FNDC3B: variants seen among roughly 807,000 people sequenced by gnomAD.
FNDC3B encodes fibronectin type III domain-containing protein 3B.
Under a neutral mutation model 151.5 loss-of-function variants are expected in FNDC3B, and 12 were observed. The ratio of observed to expected loss-of-function variants is 0.08; its 90% CI spans 0.05 to 0.13. FNDC3B has a LOEUF of 0.13. Ranked by LOEUF, FNDC3B falls within the 10% of genes least tolerant of loss-of-function variation. The probability of loss-of-function intolerance (pLI) is 1.00; values close to 1 mark genes in which losing one functional copy is unlikely to be tolerated. For synonymous variants in FNDC3B, 528 were observed against 549.0 expected, an observed-to-expected ratio of 0.96 and a Z score of 0.54; for missense variants, 1,214 against 1,505.3, an observed-to-expected ratio of 0.81 and a Z score of 3.20.
chr3:172,053,050 G>T (rs750531230), intron 1 of FNDC3B, among the ~76,000 whole-genome samples: 2 of 152,094 alleles, frequency 1.3e-5, no homozygotes, highest in Admixed American at 1.3e-4. Context: ...TACTTGCCAG[G>T]CATTTTCATG....
intron 3 of FNDC3B, among the ~76,000 whole-genome samples, chr3:172,218,314 G>A (rs946695380): frequency 1.3e-5 from 2 of 151,906 alleles, no homozygotes; most frequent in African/African-American, 4.8e-5. Context: ...TGACAAAGCA[G>A]CCACCCTTAC....
chr3:172,156,569 G>C (rs1392412350), intron 3 of FNDC3B, among the ~76,000 whole-genome samples: 1 of 152,232 alleles, frequency 6.6e-6, no homozygotes, highest in African/African-American at 2.4e-5. Flanking sequence ...AGGTAGGCCT[G>C]AGGGTGTCAA....
chr3:172,147,660 A>C (rs1035664525), intron 3 of FNDC3B, among the ~76,000 whole-genome samples: 6 of 152,112 alleles, frequency 3.9e-5, no homozygotes, highest in African/African-American at 1.4e-4. Flanking sequence ...TTCTACCCCC[A>C]GGGTTTCTGA....
At chr3:172,073,702 T>G (rs765720939) in intron 1 of FNDC3B, among the ~76,000 whole-genome samples, 1 of 152,216 alleles carries the variant, frequency 6.6e-6, no homozygotes, top group Non-Finnish European at 1.5e-5. Context: ...ATCAGCATTA[T>G]GTAAAGGCAT....
chr3:172,362,276 CTCACCTACT>C, intron 22 of FNDC3B, among the ~76,000 whole-genome samples: 1 of 152,320 alleles, frequency 6.6e-6, no homozygotes, highest in South Asian at 2.1e-4. Flanking sequence ...CTCTTGATAG[CTCACCTACT>C]TCCAAAACTG....
intron 1 of FNDC3B, among the ~76,000 whole-genome samples, chr3:172,076,123 C>T (rs991989933): frequency 6.6e-6 from 1 of 152,232 alleles, no homozygotes; most frequent in East Asian, 1.9e-4. Flanking sequence ...TGGATACTTA[C>T]GGTTTGTATC....
chr3:172,121,992 CTG>C (rs540252548), intron 2 of FNDC3B, among the ~76,000 whole-genome samples: 100 of 152,296 alleles, frequency 6.6e-4, no homozygotes, highest in African/African-American at 2.2e-3. Context: ...GTGATAGCTA[CTG>C]ATGTATCTCA....
At chr3:172,142,842 G>T (rs1380827527) in intron 3 of FNDC3B, among the ~76,000 whole-genome samples, 1 of 152,208 alleles carries the variant, frequency 6.6e-6, no homozygotes, top group Non-Finnish European at 1.5e-5. Flanking sequence ...CAGTTCTGGA[G>T]GCTGGGAAAT....
At chr3:172,309,440 GT>G (rs200195173) in intron 10 of FNDC3B, among the ~76,000 whole-genome samples, 14 of 142,486 alleles carry the variant, frequency 9.8e-5, no homozygotes, top group Non-Finnish European at 1.8e-4. Context: ...CCAAAGAACA[GT>G]TTTTTTTTGA....
At chr3:172,156,575 G>T (rs1405609736) in intron 3 of FNDC3B, among the ~76,000 whole-genome samples, 1 of 152,212 alleles carries the variant, frequency 6.6e-6, no homozygotes, top group Non-Finnish European at 1.5e-5. Context: ...GCCTGAGGGT[G>T]TCAAGTTGCT....
At chr3:172,393,458 A>G (rs1736122316) in intron 25 of FNDC3B, among the ~76,000 whole-genome samples, 1 of 152,238 alleles carries the variant, frequency 6.6e-6, no homozygotes, top group Admixed American at 6.5e-5. Flanking sequence ...ATCCAGACAG[A>G]AAATTAATAA....
intron 2 of FNDC3B, among the ~76,000 whole-genome samples, chr3:172,130,396 G>C (rs1721015347): frequency 6.6e-6 from 1 of 152,142 alleles, no homozygotes; most frequent in Non-Finnish European, 1.5e-5. Context: ...TGGCTACTCA[G>C]CAGCAGTGAA....
chr3:172,139,801 A>G (rs921283831), intron 3 of FNDC3B, among the ~76,000 whole-genome samples: 26 of 151,280 alleles, frequency 1.7e-4, no homozygotes, highest in Admixed American at 4.6e-4. Flanking sequence ...AAAAACAAAG[A>G]CCTGGCTCTG....
chr3:172,042,506 T>G (rs938335730), intron 1 of FNDC3B, among the ~76,000 whole-genome samples: 1 of 152,240 alleles, frequency 6.6e-6, no homozygotes, highest in African/African-American at 2.4e-5. Context: ...TAGACGAAAG[T>G]TTAATACAGG....
intron 6 of FNDC3B, among the ~76,000 whole-genome samples, chr3:172,266,056 C>CTCAA (rs1728908799): frequency 6.6e-6 from 1 of 152,112 alleles, no homozygotes; most frequent in African/African-American, 2.4e-5. Context: ...GAGGTAATAC[C>CTCAA]ATGTGGTGAC....
intron 1 of FNDC3B, among the ~76,000 whole-genome samples, chr3:172,100,097 A>G (rs1417255977): frequency 6.6e-6 from 1 of 152,242 alleles, no homozygotes; most frequent in Non-Finnish European, 1.5e-5. Context: ...CTAAAATTGA[A>G]TTGGAGAACA....
At chr3:172,075,571 G>A (rs1717968175) in intron 1 of FNDC3B, among the ~76,000 whole-genome samples, 1 of 152,074 alleles carries the variant, frequency 6.6e-6, no homozygotes, top group Admixed American at 6.5e-5. Flanking sequence ...ACTTTTAGAA[G>A]GAATCAGTTA....
intron 10 of FNDC3B, 111 bp from the exon 11 acceptor site, chr3:172,310,717 C>T: frequency 1.2e-6 from 1 of 821,514 alleles, no homozygotes; most frequent in Admixed American, 1.8e-5. Flanking sequence ...CTTTATCCCC[C>T]TGAGGGGAGA....
chr3:172,053,776 CAAAA>C (rs562005467), intron 1 of FNDC3B, among the ~76,000 whole-genome samples: 9 of 113,336 alleles, frequency 7.9e-5, no homozygotes, highest in Admixed American at 9.0e-5. Flanking sequence ...AACTCCGTCT[CAAAA>C]AAAAAAAAAA....
Sources: allele counts gnomAD v4.1 joint callset (sites outside exome capture counted in the v4.1 genomes callset), GRCh38; gene constraint gnomAD v4.1.1; transcripts MANE v1.5; gene names NCBI Gene and HGNC (gene_info 2026-07-23, HGNC 2026-07-21).